Variants in ALK observed in about 807,000 individuals in gnomAD.
ALK encodes the protein ALK receptor tyrosine kinase.
ALK carries 74 observed loss-of-function variants against 163.1 expected under a neutral mutation model. The ratio of observed to expected loss-of-function variants is 0.45; its 90% confidence interval spans 0.38 to 0.55. ALK has a LOEUF of 0.55. Ranked by LOEUF, ALK falls within the 20% of genes least tolerant of loss-of-function variation. ALK has a pLI of 0.00. For missense variants in ALK, 2,063 were observed against 2,105.3 expected (o/e 0.98, Z 0.39); for synonymous variants, 960 against 843.2 (o/e 1.14, Z -2.40).
rs11884863 is a variant in ALK, at chr2:29,908,130, T to C, written c.667+11863A>G. 5.8e-3 allele frequency among the ~76,000 whole-genome samples: 879 copies of C among 152,268 alleles called. 6 individuals carry two copies. Among genetic ancestry groups the C allele is most frequent in the Non-Finnish European group, 8.4e-3 (572 of 68,022 alleles). On this transcript the variant is annotated intron_variant, in intron 1 of 28. Coordinates refer to ENST00000389048, the MANE Select transcript of ALK (RefSeq NM_004304.5). ...ATCTGCAGTCAACACGCAGTCAAAA[T>C]GCATCTCCCCTACTCAAGACCTAAA...
intron 1 of ALK, among the ~76,000 whole-genome samples, chr2:29,822,278 T>C (rs528070704): frequency 7.5e-4 from 115 of 152,318 alleles, no homozygotes; most frequent in African/African-American, 2.7e-3. Flanking sequence ...TGGTTGTTCT[T>C]AGACCATTAC....
intron 3 of ALK, among the ~76,000 whole-genome samples, chr2:29,616,332 G>A (rs1182538590): frequency 1.3e-5 from 2 of 152,176 alleles, no homozygotes; most frequent in Non-Finnish European, 2.9e-5. Context: ...TAAAGAGAGG[G>A]GAGGAAAAGG....
At chr2:29,286,252 C>G (rs1444814047) in intron 9 of ALK, among the ~76,000 whole-genome samples, 1 of 152,144 alleles carries the variant, frequency 6.6e-6, no homozygotes, top group Non-Finnish European at 1.5e-5. Flanking sequence ...CTGGCAAGAG[C>G]TGATCAAACA....
At chr2:29,738,782 G>C (rs962953104) in intron 1 of ALK, among the ~76,000 whole-genome samples, 2 of 152,084 alleles carry the variant, frequency 1.3e-5, no homozygotes, top group African/African-American at 2.4e-5. Context: ...GCTCTACTTG[G>C]TGATTTGAAG....
chr2:29,783,304 T>C (rs1663894127), intron 1 of ALK, among the ~76,000 whole-genome samples: 1 of 152,210 alleles, frequency 6.6e-6, no homozygotes, highest in Admixed American at 6.5e-5. Flanking sequence ...TTCAAATGCC[T>C]GGAATACTGA....
intron 3 of ALK, among the ~76,000 whole-genome samples, chr2:29,630,026 T>C (rs4665475): frequency 0.64 from 96,799 of 152,088 alleles, 31,785 homozygotes; most frequent in Middle Eastern, 0.73. Flanking sequence ...AATAGGAAGA[T>C]ATTATGCTTT....
rs1381135955 is a variant in ALK at position 29,296,997 on chromosome 2, C to T, written c.1708G>A (p.Glu570Lys). 2 of 1,614,168 alleles carry T rather than the reference C, an allele frequency of 1.2e-6. No homozygotes were observed. Among genetic ancestry groups the T allele is most frequent in the African/African-American group, 2.7e-5 (2 of 75,048 alleles). ...CCTTGCTCCTTCCCGGTTTTGTTCT[C>T]CACTAGCACCAAGGACACGTTTCCC... is the stretch of plus-strand genomic sequence containing the variant. ...LRGNVSLVLV[E>K]NKTGKEQGRM... The change falls in exon 9 of 29, where the codon GAG (glutamate) becomes AAG (lysine). Residue 570 changes from glutamate to lysine, a missense_variant. Around this residue, in one of 5 missense-constraint regions of ALK, gnomAD observed 987 missense variants for 939.5 expected, o/e 1.05. Coordinates refer to ENST00000389048, the MANE Select transcript of ALK (RefSeq NM_004304.5).
intron 3 of ALK, among the ~76,000 whole-genome samples, chr2:29,577,221 G>A (rs1674549530): frequency 6.6e-6 from 1 of 152,150 alleles, no homozygotes; most frequent in Non-Finnish European, 1.5e-5. Flanking sequence ...ACTCTGGGGT[G>A]TTTGGGTTCA....
intron 23 of ALK, among the ~76,000 whole-genome samples, chr2:29,218,203 T>G (rs923507530): frequency 2.6e-5 from 4 of 152,112 alleles, no homozygotes; most frequent in Non-Finnish European, 5.9e-5. Context: ...GGGAGGACCA[T>G]GACTGGGGTG....
At chr2:29,806,156 A>G in intron 1 of ALK, among the ~76,000 whole-genome samples, 1 of 152,182 alleles carries the variant, frequency 6.6e-6, no homozygotes, top group East Asian at 1.9e-4. Context: ...TACCATATGG[A>G]AAGGCCTGAA....
At chr2:29,446,892 A>G (rs1558327946) in intron 4 of ALK, among the ~76,000 whole-genome samples, 1 of 152,212 alleles carries the variant, frequency 6.6e-6, no homozygotes, top group Non-Finnish European at 1.5e-5. Context: ...TGGGGAAGCT[A>G]GAGTTTAGTG....
At chr2:29,588,717 G>A (rs1251725600) in intron 3 of ALK, among the ~76,000 whole-genome samples, 1 of 152,194 alleles carries the variant, frequency 6.6e-6, no homozygotes, top group African/African-American at 2.4e-5. Flanking sequence ...GGTGGCCACA[G>A]ACAATATGTA....
At chr2:29,843,619 T>C (rs906331255) in intron 1 of ALK, among the ~76,000 whole-genome samples, 3 of 152,164 alleles carry the variant, frequency 2.0e-5, no homozygotes, top group African/African-American at 7.2e-5. Context: ...GGGATTTCTA[T>C]TGTAGAACCC....
chr2:29,842,086 T>C (rs540689538), intron 1 of ALK, among the ~76,000 whole-genome samples: 31 of 151,790 alleles, frequency 2.0e-4, no homozygotes, highest in Non-Finnish European at 4.1e-4. Context: ...CTTCCTTCCC[T>C]CCTTCTCTTT....
At chr2:29,300,058 A>C (rs992392630) in intron 8 of ALK, among the ~76,000 whole-genome samples, 3 of 152,100 alleles carry the variant, frequency 2.0e-5, no homozygotes, top group African/African-American at 4.8e-5. Context: ...GGTGGCCTAC[A>C]CTCCCAGAGT....
intron 26 of ALK, among the ~76,000 whole-genome samples, chr2:29,202,716 G>C (rs756186902): frequency 3.3e-5 from 5 of 152,166 alleles, no homozygotes; most frequent in Non-Finnish European, 7.3e-5. Context: ...ATATATGTAG[G>C]TTGTCTTCTT....
intron 3 of ALK, among the ~76,000 whole-genome samples, chr2:29,609,359 T>C (rs1675627626): frequency 6.6e-6 from 1 of 152,158 alleles, no homozygotes; most frequent in South Asian, 2.1e-4. Context: ...CTGAGAAGAT[T>C]TCATTATGTG....
In ALK at chr2:29,193,544, G is replaced by T. The variant is rs1275772350; in HGVS notation, c.4543C>A (p.Pro1515Thr). ...GCTATAGGATTATTCTTTTTGGTGG[G>T]TTTCTCTGTAAACCAGGAGCCGTAC... ...PTYGSWFTEK[P>T]TKKNNPIAKK... is the part of the protein sequence containing the mutation. The change falls in exon 29 of 29, where the codon CCC becomes ACC. Residue 1515 changes from proline to threonine, a missense_variant. Physicochemically the swap from Pro to Thr is conservative, Grantham distance 38. Around this residue, in one of 5 missense-constraint regions of ALK, gnomAD observed 403 missense variants for 366.2 expected, o/e 1.10. Transcript: ENST00000389048. 6.2e-7 allele frequency: 1 copy of T among 1,614,096 alleles called. No homozygotes were observed.
At chr2:29,734,482 G>A (rs1205505477) in intron 1 of ALK, among the ~76,000 whole-genome samples, 3 of 152,146 alleles carry the variant, frequency 2.0e-5, no homozygotes, top group Admixed American at 6.5e-5. Flanking sequence ...CGACCAGAGG[G>A]AGACAAAACT....
Sources: gnomAD v4.1 joint callset for allele counts (sites outside exome capture counted in the v4.1 genomes callset) on GRCh38, gnomAD v4.1.1 for gene constraint, gnomAD v4.1.1 regional missense constraint, MANE v1.5 for transcripts, NCBI Gene and HGNC (gene_info 2026-07-23, HGNC 2026-07-21) for gene names.